THOC1: variants seen among roughly 807,000 people sequenced by gnomAD.
THOC1 encodes the protein THO complex subunit 1.
A neutral mutation model predicts 97.3 loss-of-function variants in THOC1; 29 were observed. That is an observed-to-expected ratio of 0.30 (90% CI 0.22 to 0.41). The LOEUF (loss-of-function observed/expected upper bound fraction) is 0.41, where lower values mean the gene tolerates loss of function less well. Among genes scored for constraint, THOC1 ranks in the 10% least tolerant of loss-of-function variants. THOC1 has a pLI of 1.00. For synonymous variants in THOC1, 255 were observed against 257.0 expected (o/e 0.99, Z 0.07); for missense variants, 529 against 761.9 (o/e 0.69, Z 3.60).
intron 9 of THOC1, among the ~76,000 whole-genome samples, chr18:251,800 G>C (rs1912288525): frequency 6.6e-6 from 1 of 152,216 alleles, no homozygotes; most frequent in African/African-American, 2.4e-5. Context: ...CCTGCGCTCT[G>C]AGCTGCTGTG....
intron 8 of THOC1, among the ~76,000 whole-genome samples, chr18:253,501 C>T (rs1912343822): frequency 6.6e-6 from 1 of 152,038 alleles, no homozygotes; most frequent in Admixed American, 6.6e-5. Context: ...GTATGAATGA[C>T]CTCATTCTGG....
chr18:218,949 T>C lies in THOC1; in HGVS notation c.1391A>G (p.Glu464Gly). 6.2e-7 allele frequency: 1 copy of C among 1,604,916 alleles called. No homozygotes were observed. Among genetic ancestry groups the C allele is most frequent in the Non-Finnish European group, 8.5e-7 (1 of 1,175,016 alleles). The change falls in exon 18 of 21, where the codon GAG (glutamate) becomes GGG (glycine). Residue 464 changes from glutamate to glycine, a missense_variant. Physicochemically the swap from Glu to Gly is moderately conservative, Grantham distance 98 (BLOSUM62 -2). Around this residue, in one of 8 missense-constraint regions of THOC1, gnomAD observed 123 missense variants for 159.0 expected, o/e 0.77. Coordinates refer to ENST00000261600, the MANE Select transcript of THOC1 (RefSeq NM_005131.3). ...TTCAATGGCTTCTTCAAAGAATTCC[T>C]CCAAAGTGGGCATGTGTTCCCTGAG... Reference protein sequence around the residue: ...SETREHMPTLEEFFEEAIEQA... With the variant: ...SETREHMPTLGEFFEEAIEQA...
At position 252,558 on chromosome 18, in the gene THOC1, C is replaced by G; in HGVS notation, c.658G>C (p.Glu220Gln). 1 of 1,611,442 alleles carries G rather than the reference C, an allele frequency of 6.2e-7. No individual in the cohort carries two copies. The highest frequency in any genetic ancestry group is 8.5e-7 in the Non-Finnish European group (1 of 1,178,938). ...ACTCACCACGTTGTTGGAGCTTCCTCGTCTCCCATTTCGCCTTCTTCTACA... is the reference window on the plus strand; with the variant it reads ...ACTCACCACGTTGTTGGAGCTTCCTGGTCTCCCATTTCGCCTTCTTCTACA... ...MDVEEGEMGD[E>Q]EAPTTCSIPI... is the part of the protein sequence containing the mutation. The change falls in exon 9 of 21, where the codon GAG becomes CAG. Residue 220 changes from glutamate to glutamine, a missense_variant. Physicochemically the swap from Glu to Gln is conservative, Grantham distance 29. This residue lies in a region of THOC1 where 92 missense variants were observed against 127.0 expected (regional missense o/e 0.72). Transcript: ENST00000261600.
At chr18:226,766 T>C in intron 12 of THOC1, 35 bp downstream of exon 12, 1 of 1,504,444 alleles carries the variant, frequency 6.6e-7, no homozygotes, top group South Asian at 1.2e-5. Flanking sequence ...TCTTGGCTAC[T>C]GTTTACAAAT....
intron 1 of THOC1, among the ~76,000 whole-genome samples, chr18:265,959 A>G (rs1333734226): frequency 6.6e-6 from 1 of 152,142 alleles, no homozygotes; most frequent in African/African-American, 2.4e-5. Context: ...AAGTCTAGCC[A>G]TTTTTCATCA....
At chr18:256,899 A>G (rs1598305318) in intron 7 of THOC1, among the ~76,000 whole-genome samples, 1 of 152,172 alleles carries the variant, frequency 6.6e-6, no homozygotes, top group Admixed American at 6.6e-5. Flanking sequence ...AGCCAGCCCA[A>G]CCTTCAGCAA....
Position 264,290 on chromosome 18 carries a change from T to A in THOC1, c.190-198A>T, listed in dbSNP as rs145234337. On this transcript the variant is annotated intron_variant, in intron 3 of 20. Coordinates refer to ENST00000261600, the MANE Select transcript of THOC1 (RefSeq NM_005131.3). Reference sequence around the variant, plus strand: ...TATAGAATCAATAGTCGTAGAAGTATGTCAAGTAACAGGCAACTCACTCAA... The same window carrying A: ...TATAGAATCAATAGTCGTAGAAGTAAGTCAAGTAACAGGCAACTCACTCAA... Among the ~76,000 whole-genome samples, 400 of 152,344 alleles carry A rather than the reference T, an allele frequency of 2.6e-3. 1 individual carries two copies. The highest frequency in any genetic ancestry group is 0.017 in the Middle Eastern group (5 of 294).
At chr18:245,123 AACAT>A (rs1424223607) in intron 11 of THOC1, 19 of 152,304 alleles carry the variant, frequency 1.2e-4, no homozygotes, top group African/African-American at 4.3e-4. Flanking sequence ...GAGTATCCAA[AACAT>A]ACATAAAGTC....
At chr18:240,938 A>G (rs1911875954) in intron 11 of THOC1, among the ~76,000 whole-genome samples, 1 of 152,182 alleles carries the variant, frequency 6.6e-6, no homozygotes, top group South Asian at 2.1e-4. Flanking sequence ...TAAGGAGCAC[A>G]CAACCTAGAT....
intron 11 of THOC1, among the ~76,000 whole-genome samples, chr18:240,016 G>A (rs1292161468): frequency 1.3e-5 from 2 of 152,106 alleles, no homozygotes. Context: ...ATGCTTTTGT[G>A]TAATCATGAC....
At chr18:255,253 A>G (rs1912399936) in intron 7 of THOC1, among the ~76,000 whole-genome samples, 1 of 152,244 alleles carries the variant, frequency 6.6e-6, no homozygotes, top group Non-Finnish European at 1.5e-5. Flanking sequence ...TACATGATTA[A>G]GCTTAGTAAT....
chr18:249,852 T>C (rs1240472443), intron 9 of THOC1, among the ~76,000 whole-genome samples: 4 of 152,204 alleles, frequency 2.6e-5, no homozygotes, highest in Non-Finnish European at 5.9e-5. Flanking sequence ...TAACAAAATG[T>C]TACTCAGTTA....
chr18:261,356 T>G (rs1912599878), intron 4 of THOC1, among the ~76,000 whole-genome samples: 2 of 152,154 alleles, frequency 1.3e-5, no homozygotes, highest in African/African-American at 4.8e-5. Flanking sequence ...CCCAAAACAG[T>G]GCATTAATAT....
intron 6 of THOC1, 38 bp from the exon 7 acceptor site, chr18:259,313 T>C (rs769931998): frequency 2.0e-6 from 3 of 1,486,942 alleles, no homozygotes; most frequent in Non-Finnish European, 2.8e-6. Flanking sequence ...ACAGAAAAGA[T>C]AATTCTATGT....
At chr18:215,055 T>C in intron 20 of THOC1, 134 bp from the exon 21 acceptor site, 3 of 796,550 alleles carry the variant, frequency 3.8e-6, no homozygotes, top group Non-Finnish European at 5.9e-6. Context: ...TTTTTTATAT[T>C]CTCCGTAAGT....
chr18:256,195 T>C (rs918997762), intron 7 of THOC1, among the ~76,000 whole-genome samples: 1 of 90,444 alleles, frequency 1.1e-5, no homozygotes, highest in African/African-American at 4.1e-5. Context: ...CATGAGGCTA[T>C]AGCTACATAG....
chr18:251,670 T>C (rs1207196501), intron 9 of THOC1, among the ~76,000 whole-genome samples: 1 of 152,174 alleles, frequency 6.6e-6, no homozygotes, highest in African/African-American at 2.4e-5. Flanking sequence ...CCCTCCTGCA[T>C]CCCAAAGAGG....
chr18:236,642 C>T (rs1335394189), intron 11 of THOC1, among the ~76,000 whole-genome samples: 1 of 151,994 alleles, frequency 6.6e-6, no homozygotes, highest in Non-Finnish European at 1.5e-5. Flanking sequence ...GGATTACAGG[C>T]GTGAGCCACC....
chr18:238,094 G>A (rs1279387531), intron 11 of THOC1, among the ~76,000 whole-genome samples: 1 of 152,088 alleles, frequency 6.6e-6, no homozygotes, highest in African/African-American at 2.4e-5. Flanking sequence ...TCAAACTCCT[G>A]ACCTCAAGTG....
Sources: gnomAD v4.1 joint callset for allele counts (sites outside exome capture counted in the v4.1 genomes callset) on GRCh38, gnomAD v4.1.1 for gene constraint, gnomAD v4.1.1 regional missense constraint, MANE v1.5 for transcripts, NCBI Gene and HGNC (gene_info 2026-07-23, HGNC 2026-07-21) for gene names.